Variants in NRG1 observed in about 807,000 individuals in gnomAD.
NRG1 encodes neuregulin 1.
In NRG1, 18 loss-of-function variants were observed where a neutral mutation model predicts 63.8. That is an observed-to-expected ratio of 0.28 (90% confidence interval 0.19 to 0.42). The LOEUF is 0.42. NRG1 is among the 10% of genes least tolerant of loss of function. The probability of loss-of-function intolerance (pLI) is 1.00; values close to 1 mark genes in which losing one functional copy is unlikely to be tolerated. For missense variants in NRG1, 762 were observed against 814.7 expected (o/e 0.94, Z 0.79); for synonymous variants, 302 against 301.3 (o/e 1.00, Z -0.02).
intron 1 of NRG1, among the ~76,000 whole-genome samples, chr8:31,777,056 G>A (rs1586334210): frequency 6.6e-6 from 1 of 152,114 alleles, no homozygotes; most frequent in African/African-American, 2.4e-5. Context: ...CAATAGCGAA[G>A]ACTTGGAACC....
intron 1 of NRG1, among the ~76,000 whole-genome samples, chr8:31,811,451 A>G (rs1455347702): frequency 1.3e-5 from 2 of 152,186 alleles, no homozygotes; most frequent in African/African-American, 2.4e-5. Context: ...CCGATGTGCC[A>G]TGCACTTATT....
intron 1 of NRG1, among the ~76,000 whole-genome samples, chr8:31,902,566 A>C (rs1426625143): frequency 1.3e-5 from 2 of 152,206 alleles, no homozygotes; most frequent in East Asian, 3.8e-4. Flanking sequence ...ATCACTATAG[A>C]AAACAAAGGA....
At chr8:32,374,721 T>A (rs946728254) in intron 1 of NRG1, among the ~76,000 whole-genome samples, 7 of 151,534 alleles carry the variant, frequency 4.6e-5, no homozygotes, top group African/African-American at 1.2e-4. Flanking sequence ...ACAGATAGGG[T>A]TCTTGGAGAC....
intron 1 of NRG1, among the ~76,000 whole-genome samples, chr8:32,497,982 C>T (rs892008831): frequency 3.3e-5 from 5 of 152,068 alleles, no homozygotes; most frequent in Admixed American, 1.3e-4. Flanking sequence ...CATGACCATG[C>T]CCGGCTAATT....
intron 1 of NRG1, among the ~76,000 whole-genome samples, chr8:31,805,221 G>T (rs17603672): frequency 0.016 from 2,506 of 152,020 alleles, 31 homozygotes; most frequent in Non-Finnish European, 0.025. Flanking sequence ...AATATGGTCT[G>T]ATCAAAGTAT....
At chr8:31,755,602 G>A (rs1057105498) in intron 1 of NRG1, among the ~76,000 whole-genome samples, 3 of 152,068 alleles carry the variant, frequency 2.0e-5, no homozygotes, top group Non-Finnish European at 2.9e-5. Context: ...CCTTGCCTGC[G>A]GGTTAATGAA....
intron 1 of NRG1, among the ~76,000 whole-genome samples, chr8:32,139,814 C>T (rs1418506933): frequency 6.6e-6 from 1 of 152,030 alleles, no homozygotes; most frequent in Non-Finnish European, 1.5e-5. Context: ...ATGTTTATAC[C>T]ATGTAGACAA....
chr8:31,733,587 G>A (rs1814337770), intron 1 of NRG1, among the ~76,000 whole-genome samples: 1 of 152,174 alleles, frequency 6.6e-6, no homozygotes, highest in Non-Finnish European at 1.5e-5. Flanking sequence ...ATTTTGAGGA[G>A]TTGCAGCTCT....
intron 1 of NRG1, among the ~76,000 whole-genome samples, chr8:32,494,287 C>A (rs1826941271): frequency 6.6e-6 from 1 of 152,144 alleles, no homozygotes; most frequent in South Asian, 2.1e-4. Flanking sequence ...AGTTGCCCCA[C>A]CAGAGAATAT....
At chr8:31,888,228 T>A (rs1830877065) in intron 1 of NRG1, among the ~76,000 whole-genome samples, 1 of 152,046 alleles carries the variant, frequency 6.6e-6, no homozygotes, top group Non-Finnish European at 1.5e-5. Context: ...CACGCTGAAG[T>A]AGCTTTCAGA....
intron 1 of NRG1, among the ~76,000 whole-genome samples, chr8:32,192,380 C>T (rs969738751): frequency 7.9e-5 from 12 of 152,170 alleles, no homozygotes; most frequent in Admixed American, 2.0e-4. Context: ...ACATATGATA[C>T]GTATACACCA....
chr8:32,010,846 C>T (rs952106262), intron 1 of NRG1, among the ~76,000 whole-genome samples: 3 of 152,006 alleles, frequency 2.0e-5, no homozygotes, highest in Admixed American at 6.6e-5. Flanking sequence ...AGTGTTTTAT[C>T]TTGCAGAACT....
At chr8:31,982,841 A>C (rs1424803808) in intron 1 of NRG1, among the ~76,000 whole-genome samples, 1 of 152,106 alleles carries the variant, frequency 6.6e-6, no homozygotes, top group African/African-American at 2.4e-5. Context: ...ATAGGCACCT[A>C]GTAAGTAACT....
intron 1 of NRG1, among the ~76,000 whole-genome samples, chr8:32,531,842 A>C (rs1301386762): frequency 6.6e-6 from 1 of 152,210 alleles, no homozygotes; most frequent in Non-Finnish European, 1.5e-5. Flanking sequence ...TATAGTGCCT[A>C]CCACAAAAGC....
In NRG1 at chr8:31,877,248, G is replaced by A. The variant is rs189833114; in HGVS notation, c.37+237817G>A. Among the ~76,000 whole-genome samples, 79 of 152,180 alleles carry A rather than the reference G, an allele frequency of 5.2e-4. 1 individual carries two copies. Among genetic ancestry groups the A allele is most frequent in the African/African-American group, 1.6e-3 (67 of 41,548 alleles). ...TTTTTAGAAAGCCATTTCGAACTCCGAAGACACCAGCAACATTTTTATTGA... is the reference window on the plus strand; with the variant it reads ...TTTTTAGAAAGCCATTTCGAACTCCAAAGACACCAGCAACATTTTTATTGA... On this transcript the variant is annotated intron_variant, in intron 1 of 10. Coordinates refer to the NRG1 transcript ENST00000519301.
At position 32,419,782 on chromosome 8, in the gene NRG1, C is replaced by T. The variant is rs113075338; in HGVS notation, c.38-176046C>T. Among the ~76,000 whole-genome samples, 351 of 152,176 alleles carry T rather than the reference C, an allele frequency of 2.3e-3. 3 individuals are homozygous for T. Among genetic ancestry groups the T allele is most frequent in the African/African-American group, 8.0e-3 (333 of 41,522 alleles). On this transcript the variant is annotated intron_variant, in intron 1 of 10. Transcript: ENST00000519301. ...GGTTAGAATAACTAGTACAACATAA[C>T]GCAGCTTGACTAGAATACCTCGTCA...
At chr8:32,548,311 A>T in exon 1 of NRG1, 1 of 993,038 alleles carries the variant, frequency 1.0e-6, no homozygotes, top group Non-Finnish European at 1.2e-6. Context: ...GAGTTCCCCG[A>T]AACTTGTTGG....
chr8:31,854,071 C>A (rs1827559835), intron 1 of NRG1, among the ~76,000 whole-genome samples: 1 of 151,192 alleles, frequency 6.6e-6, no homozygotes, highest in South Asian at 2.1e-4. Context: ...GTCTAAAATT[C>A]TCTTTTTTTG....
At chr8:32,106,322 T>C (rs975476602) in intron 1 of NRG1, among the ~76,000 whole-genome samples, 5 of 152,246 alleles carry the variant, frequency 3.3e-5, no homozygotes, top group Non-Finnish European at 7.3e-5. Context: ...CATGCAGTTT[T>C]ATTTTGTGGC....
Sources: gnomAD v4.1 joint callset for allele counts (sites outside exome capture counted in the v4.1 genomes callset) on GRCh38, gnomAD v4.1.1 for gene constraint, MANE v1.5 for transcripts, NCBI Gene and HGNC (gene_info 2026-07-23, HGNC 2026-07-21) for gene names.